Variants in OLFM3 observed in about 807,000 individuals in gnomAD.
The protein encoded by OLFM3 is noelin-3.
In OLFM3, 20 loss-of-function variants were observed where a neutral mutation model predicts 48.6. That is an observed-to-expected ratio of 0.41 (90% CI 0.29 to 0.60). The LOEUF (loss-of-function observed/expected upper bound fraction) is 0.60. Ranked by LOEUF, OLFM3 falls within the 20% of genes least tolerant of loss-of-function variation. The probability of loss-of-function intolerance (pLI) is 0.28; values close to 1 mark genes in which losing one functional copy is unlikely to be tolerated. For missense variants in OLFM3, 437 were observed against 544.3 expected (o/e 0.80, Z 1.96); for synonymous variants, 222 against 198.1 (o/e 1.12, Z -1.01).
At chr1:101,979,870 A>G (rs1347800865) in intron 1 of OLFM3, among the ~76,000 whole-genome samples, 6 of 152,264 alleles carry the variant, frequency 3.9e-5, no homozygotes, top group Non-Finnish European at 5.9e-5. Context: ...CCATGAAAGC[A>G]GCTGGGAGTG....
At chr1:101,978,040 T>C (rs1332999300) in intron 1 of OLFM3, among the ~76,000 whole-genome samples, 1 of 152,138 alleles carries the variant, frequency 6.6e-6, no homozygotes, top group Non-Finnish European at 1.5e-5. Flanking sequence ...GCATGAGCAA[T>C]ATTTTTTGAA....
At chr1:101,879,907 T>G (rs1242335563) in intron 1 of OLFM3, among the ~76,000 whole-genome samples, 1 of 151,854 alleles carries the variant, frequency 6.6e-6, no homozygotes, top group Non-Finnish European at 1.5e-5. Flanking sequence ...AAATAGCATA[T>G]AATTGATGAA....
intron 1 of OLFM3, among the ~76,000 whole-genome samples, chr1:101,887,951 A>G (rs768706443): frequency 6.6e-5 from 10 of 152,138 alleles, no homozygotes; most frequent in Non-Finnish European, 1.3e-4. Flanking sequence ...ATTGTGTAGT[A>G]TTATAGTATG....
intron 1 of OLFM3, among the ~76,000 whole-genome samples, chr1:101,865,716 A>G (rs920519317): frequency 1.3e-5 from 2 of 152,214 alleles, no homozygotes; most frequent in African/African-American, 2.4e-5. Flanking sequence ...CCTGGGAGAC[A>G]CTGGCTGTAG....
At chr1:101,966,001 C>G (rs1014379394) in intron 1 of OLFM3, among the ~76,000 whole-genome samples, 6 of 152,128 alleles carry the variant, frequency 3.9e-5, no homozygotes, top group Non-Finnish European at 5.9e-5. Flanking sequence ...TTCGCATGAG[C>G]CTTTCCAAGG....
chr1:101,824,193 A>T (rs1316848286), intron 4 of OLFM3, among the ~76,000 whole-genome samples: 1 of 151,958 alleles, frequency 6.6e-6, no homozygotes. Context: ...AACACTTTCT[A>T]TGGGTATTGA....
intron 1 of OLFM3, among the ~76,000 whole-genome samples, chr1:101,991,679 C>A (rs1411756336): frequency 1.3e-5 from 2 of 150,356 alleles, no homozygotes; most frequent in East Asian, 3.9e-4. Flanking sequence ...AAATAAAATA[C>A]TTATGGCTGA....
intron 1 of OLFM3, among the ~76,000 whole-genome samples, chr1:101,945,238 C>A (rs1429520990): frequency 6.6e-6 from 1 of 151,918 alleles, no homozygotes; most frequent in Non-Finnish European, 1.5e-5. Flanking sequence ...TTTGTAATGA[C>A]CAATGATGAA....
At chr1:101,994,818 A>G (rs951649972) in intron 1 of OLFM3, among the ~76,000 whole-genome samples, 1 of 151,954 alleles carries the variant, frequency 6.6e-6, no homozygotes, top group Admixed American at 6.6e-5. Flanking sequence ...GTGGAAGCTG[A>G]GAAGGACAGT....
chr1:101,869,789 TATCTG>T (rs754931188), intron 1 of OLFM3, among the ~76,000 whole-genome samples: 3 of 152,148 alleles, frequency 2.0e-5, no homozygotes, highest in Non-Finnish European at 4.4e-5. Context: ...GTTCTCACGA[TATCTG>T]ATGGTTTTGT....
At chr1:101,900,651 G>GA (rs1231159164) in intron 1 of OLFM3, among the ~76,000 whole-genome samples, 1 of 151,262 alleles carries the variant, frequency 6.6e-6, no homozygotes, top group Non-Finnish European at 1.5e-5. Context: ...TGATAAAGTA[G>GA]AAAAAAAATG....
At chr1:101,845,540 T>C (rs1053464016) in intron 1 of OLFM3, among the ~76,000 whole-genome samples, 13 of 152,192 alleles carry the variant, frequency 8.5e-5, no homozygotes, top group Non-Finnish European at 1.6e-4. Context: ...TGAAATCTGG[T>C]ACTTGGACAT....
chr1:101,844,798 A>G (rs1396416173), intron 1 of OLFM3, among the ~76,000 whole-genome samples: 2 of 152,098 alleles, frequency 1.3e-5, no homozygotes, highest in African/African-American at 4.8e-5. Context: ...TTTATTTAGC[A>G]CATATAAGAT....
intron 1 of OLFM3, among the ~76,000 whole-genome samples, chr1:101,844,173 C>A (rs562138056): frequency 6.6e-6 from 1 of 152,314 alleles, no homozygotes; most frequent in South Asian, 2.1e-4. Flanking sequence ...ACCTCTTTCA[C>A]TGCTTTGTCA....
Position 101,804,143 on chromosome 1 carries a change from G to T in OLFM3, c.*95C>A. 1.0e-6 allele frequency: 1 copy of T among 957,292 alleles called. No individual in the cohort carries two copies. 59.3% of individuals were successfully genotyped at this position (957,292 alleles called of 1,614,324 possible). ...TAAAAATGCTTTGCTTTGGAGAAAT[G>T]ATGAAAAATAATAGTGAAGAAAAAA... On this transcript the variant is annotated 3_prime_UTR_variant, in exon 6 of 6. Coordinates refer to ENST00000370103, the MANE Select transcript of OLFM3 (RefSeq NM_058170.4). This position sits in a 1 kb window ranked among gnomAD's most constrained non-coding sequence, Gnocchi z 4.5.
At chr1:101,946,330 A>C (rs1659962989) in intron 1 of OLFM3, among the ~76,000 whole-genome samples, 1 of 152,158 alleles carries the variant, frequency 6.6e-6, no homozygotes. Context: ...GTATCACGAG[A>C]ATCCTTTGAA....
At chr1:101,908,252 A>G (rs1374297423) in intron 1 of OLFM3, among the ~76,000 whole-genome samples, 2 of 152,256 alleles carry the variant, frequency 1.3e-5, no homozygotes, top group Non-Finnish European at 2.9e-5. Context: ...AAGAGGAATT[A>G]AATCCTTTCT....
chr1:101,973,236 C>T (rs1179661511), intron 1 of OLFM3, among the ~76,000 whole-genome samples: 1 of 152,184 alleles, frequency 6.6e-6, no homozygotes, highest in Non-Finnish European at 1.5e-5. Context: ...TAGTCTGAGA[C>T]TGATGGCCTG....
At chr1:101,860,347 G>T (rs1465705094) in intron 1 of OLFM3, among the ~76,000 whole-genome samples, 1 of 152,008 alleles carries the variant, frequency 6.6e-6, no homozygotes, top group Non-Finnish European at 1.5e-5. Context: ...GGATGTATTT[G>T]CAACTGCGTG....
Sources: gnomAD v4.1 joint callset for allele counts (sites outside exome capture counted in the v4.1 genomes callset) on GRCh38, gnomAD v4.1.1 for gene constraint, Gnocchi (gnomAD v3.1) non-coding constraint, MANE v1.5 for transcripts, NCBI Gene and HGNC (gene_info 2026-07-23, HGNC 2026-07-21) for gene names.